LRPPRC: variants seen among roughly 807,000 people sequenced by gnomAD.
The protein encoded by LRPPRC is leucine rich pentatricopeptide repeat containing, also known as leucine-rich PPR motif-containing protein, mitochondrial.
A neutral mutation model predicts 180.3 loss-of-function variants in LRPPRC; 120 were observed. That is an observed-to-expected ratio of 0.67 (90% CI 0.57 to 0.77). The LOEUF is 0.77. Among genes scored for constraint, LRPPRC ranks in the 30% least tolerant of loss-of-function variants. LRPPRC has a pLI of 0.00. For synonymous variants in LRPPRC, 723 were observed against 600.0 expected (o/e 1.21, Z -3.00); for missense variants, 2,012 against 1,657.2 (o/e 1.21, Z -3.72).
Position 43,925,888 on chromosome 2 carries a change from C to G in LRPPRC, c.2805+5G>C. The G allele has an allele frequency of 6.2e-7, 1 of 1,604,706 alleles. No homozygotes were observed. Among genetic ancestry groups the G allele is most frequent in the Non-Finnish European group, 8.5e-7 (1 of 1,171,464 alleles). On this transcript the variant is annotated splice_donor_5th_base_variant and intron_variant, in intron 26 of 37. Transcript: ENST00000260665. Reference sequence around the variant, plus strand: ...GTGATTGAGACATCTGAATCAAATACAAACCTGATTATTTGCAACACATCT... The same window carrying G: ...GTGATTGAGACATCTGAATCAAATAGAAACCTGATTATTTGCAACACATCT...
At chr2:43,983,345 C>A (rs938453707) in intron 1 of LRPPRC, among the ~76,000 whole-genome samples, 17 of 149,370 alleles carry the variant, frequency 1.1e-4, no homozygotes, top group African/African-American at 3.9e-4. Flanking sequence ...AAAAAAAACA[C>A]CACAATTTTT....
rs769476622 is a variant in LRPPRC, at chr2:43,912,472, A to T, written c.3235T>A (p.Ser1079Thr). The T allele has an allele frequency of 1.1e-5, 18 of 1,605,170 alleles. No individual in the cohort carries two copies. Among genetic ancestry groups the T allele is most frequent in the Admixed American group, 5.0e-5 (3 of 59,978 alleles). ...ATTGCTTGTGTAAAATAATCTTCTG[A>T]CATCAGTAATTTAATGAGATTGCTG... ...TYSNLIKLLM[S>T]EDYFTQAMEV... The change falls in exon 30 of 38, where the codon TCA becomes ACA. Residue 1079 changes from serine (S) to threonine (T), a missense_variant. Coordinates refer to ENST00000260665, the MANE Select transcript of LRPPRC (RefSeq NM_133259.4).
intron 29 of LRPPRC, among the ~76,000 whole-genome samples, chr2:43,915,224 TCTCTCTCTCACACACA>T (rs1316675192): frequency 1.2e-3 from 118 of 99,642 alleles, no homozygotes; most frequent in Middle Eastern, 5.1e-3. Context: ...TCTCTCTCTC[TCTCTCTCTCACACACA>T]CACACACACA....
intron 27 of LRPPRC, 54 bp from the exon 28 acceptor site, chr2:43,918,452 A>C: frequency 8.0e-7 from 1 of 1,245,592 alleles, no homozygotes; most frequent in Non-Finnish European, 1.2e-6. Flanking sequence ...AACAGAATAC[A>C]CAAAAATATT....
At chr2:43,893,989 T>C (rs999514524) in intron 36 of LRPPRC, among the ~76,000 whole-genome samples, 1 of 152,216 alleles carries the variant, frequency 6.6e-6, no homozygotes, top group Non-Finnish European at 1.5e-5. Flanking sequence ...GAGGAAACTT[T>C]AGACAATTTC....
intron 25 of LRPPRC, among the ~76,000 whole-genome samples, chr2:43,928,876 A>G (rs1393089432): frequency 6.6e-6 from 1 of 152,190 alleles, no homozygotes; most frequent in Non-Finnish European, 1.5e-5. Flanking sequence ...AAAAATCCAC[A>G]TATAACTTTT....
At chr2:43,976,668 T>C (rs1674068930) in intron 5 of LRPPRC, among the ~76,000 whole-genome samples, 1 of 144,910 alleles carries the variant, frequency 6.9e-6, no homozygotes, top group Non-Finnish European at 1.5e-5. Flanking sequence ...TATAAATGAA[T>C]ACAGCTTAAA....
chr2:43,950,238 T>C (rs1220163345), intron 15 of LRPPRC, among the ~76,000 whole-genome samples: 1 of 152,100 alleles, frequency 6.6e-6, no homozygotes, highest in Non-Finnish European at 1.5e-5. Context: ...TTATTTTAAG[T>C]TCAGGGGTAC....
At chr2:43,897,747 C>T (rs1010295204) in intron 34 of LRPPRC, among the ~76,000 whole-genome samples, 1 of 151,810 alleles carries the variant, frequency 6.6e-6, no homozygotes, top group African/African-American at 2.4e-5. Context: ...AGGCGCCATC[C>T]CTGCTGCCAC....
chr2:43,973,696 A>G lies in LRPPRC; in HGVS notation c.1280T>C (p.Met427Thr), dbSNP rs908233217. Reference sequence around the variant, plus strand: ...AAAACCTTCCTCCTTCACAGCCTTCATTAAGGCTTTTGCCAAATCTGAAAG... The same window carrying G: ...AAAACCTTCCTCCTTCACAGCCTTCGTTAAGGCTTTTGCCAAATCTGAAAG... ...ANKTDLAKAL[M>T]KAVKEEGFPI... The change falls in exon 11 of 38, where the codon ATG becomes ACG. Residue 427 changes from methionine to threonine, a missense_variant. Physicochemically the swap from Met to Thr is moderately conservative, Grantham distance 81 (BLOSUM62 -1). Coordinates refer to ENST00000260665, the MANE Select transcript of LRPPRC (RefSeq NM_133259.4). 1 of 1,613,814 alleles carries G rather than the reference A, an allele frequency of 6.2e-7. No individual in the cohort carries two copies. The highest frequency in any genetic ancestry group is 1.3e-5 in the African/African-American group (1 of 75,074).
chr2:43,947,114 T>C (rs1361993581), intron 20 of LRPPRC, 143 bp downstream of exon 20: 1 of 565,712 alleles, frequency 1.8e-6, no homozygotes, highest in Non-Finnish European at 3.1e-6. Context: ...CTGAAATTAG[T>C]TAACCTTTCA....
Position 43,957,417 on chromosome 2 carries a change from A to G in LRPPRC, c.1617T>C (p.Ser539=), listed in dbSNP as rs1357132281. The G allele has an allele frequency of 3.1e-6, 5 of 1,613,668 alleles. No individual in the cohort carries two copies. The highest frequency in any genetic ancestry group is 2.2e-5 in the East Asian group (1 of 44,850). ...AGCCTAGCAGTAGGCTACTTCTTAT[A>G]GACTGCAGCGAGATGGGCAATGTAT... ...KSNTLPISLQ[S]IRSSLLLGFR... The change falls in exon 14 of 38, where the codon TCT becomes TCC. Residue 539 remains serine (S), a synonymous_variant. Transcript: ENST00000260665.
intron 13 of LRPPRC, among the ~76,000 whole-genome samples, chr2:43,957,749 T>C (rs1338737796): frequency 2.0e-5 from 3 of 152,172 alleles, no homozygotes; most frequent in Non-Finnish European, 4.4e-5. Context: ...GTCAGCCTGG[T>C]ACACACACTG....
chr2:43,899,945 T>C (rs1034913739), intron 32 of LRPPRC, among the ~76,000 whole-genome samples: 1 of 152,240 alleles, frequency 6.6e-6, no homozygotes, highest in African/African-American at 2.4e-5. Flanking sequence ...ATCTTAAATA[T>C]TTAACTTAAT....
chr2:43,981,445 G>A (rs958926241), intron 2 of LRPPRC, among the ~76,000 whole-genome samples: 1 of 152,118 alleles, frequency 6.6e-6, no homozygotes, highest in Non-Finnish European at 1.5e-5. Flanking sequence ...TGGATCACGA[G>A]GTCAGGAGTT....
chr2:43,922,185 T>A (rs1671721981), intron 27 of LRPPRC, among the ~76,000 whole-genome samples: 1 of 152,208 alleles, frequency 6.6e-6, no homozygotes, highest in African/African-American at 2.4e-5. Context: ...CAAAATTTTG[T>A]AACAGATCAT....
intron 35 of LRPPRC, chr2:43,896,176 A>G (rs1670672822): frequency 6.1e-6 from 1 of 163,852 alleles, no homozygotes. Context: ...AGGTGACCGA[A>G]GCAACATAAT....
chr2:43,926,978 ACTAT>A (rs1157878545), intron 25 of LRPPRC, among the ~76,000 whole-genome samples: 1 of 152,256 alleles, frequency 6.6e-6, no homozygotes, highest in African/African-American at 2.4e-5. Flanking sequence ...ATTAGAAATT[ACTAT>A]CGTTTGGTCA....
chr2:43,917,244 T>C (rs542775558), intron 29 of LRPPRC, among the ~76,000 whole-genome samples: 86 of 151,944 alleles, frequency 5.7e-4, no homozygotes, highest in African/African-American at 2.0e-3. Flanking sequence ...TTTCACCATG[T>C]TGGCCAGGAT....
Sources: allele counts gnomAD v4.1 joint callset (sites outside exome capture counted in the v4.1 genomes callset), GRCh38; gene constraint gnomAD v4.1.1; transcripts MANE v1.5; gene names NCBI Gene and HGNC (gene_info 2026-07-23, HGNC 2026-07-21).